The following ZFHX3 variants were observed in gnomAD, a reference collection of about 807,000 sequenced individuals.
ZFHX3 encodes the protein zinc finger homeobox protein 3.
A neutral mutation model predicts 279.1 loss-of-function variants in ZFHX3; 42 were observed. The observed-to-expected ratio is 0.15, with a 90% confidence interval of 0.12 to 0.19. The LOEUF is 0.19. Among genes scored for constraint, ZFHX3 ranks in the 10% least tolerant of loss-of-function variants. The pLI, the probability that ZFHX3 is intolerant of heterozygous loss-of-function variation, is 1.00. For synonymous variants in ZFHX3, 2,293 were observed against 1,957.8 expected (o/e 1.17, Z -4.52); for missense variants, 4,981 against 4,754.0 (o/e 1.05, Z -1.40).
At chr16:72,951,977 G>A (rs566425211) in intron 2 of ZFHX3, among the ~76,000 whole-genome samples, 3 of 152,370 alleles carry the variant, frequency 2.0e-5, no homozygotes, top group Admixed American at 1.3e-4. Context: ...GGGGCTGGAC[G>A]TGGTGTCTCA....
At chr16:73,787,375 C>T (rs12102676) in intron 1 of ZFHX3, among the ~76,000 whole-genome samples, 25,600 of 152,012 alleles carry the variant, frequency 0.17, 2,356 homozygotes, top group African/African-American at 0.24. Flanking sequence ...GGTGCAAGCA[C>T]GGATCAACCT....
chr16:73,121,942 GA>G (rs929420749), intron 7 of ZFHX3, among the ~76,000 whole-genome samples: 34 of 152,038 alleles, frequency 2.2e-4, no homozygotes, highest in Admixed American at 4.6e-4. Context: ...CATTACTTTT[GA>G]AGGTGAAAAC....
chr16:72,889,150 C>T (rs557684642), intron 4 of ZFHX3, among the ~76,000 whole-genome samples: 21 of 152,116 alleles, frequency 1.4e-4, no homozygotes, highest in East Asian at 5.8e-4. Flanking sequence ...CAGGTCTCGA[C>T]GCATTGAAGC....
intron 1 of ZFHX3, among the ~76,000 whole-genome samples, chr16:72,981,772 C>T (rs1056076971): frequency 3.9e-5 from 6 of 152,132 alleles, no homozygotes; most frequent in East Asian, 1.9e-4. Context: ...GACTTCTTCA[C>T]GGGGACCCCA....
At chr16:73,099,176 A>G (rs1482290052) in intron 7 of ZFHX3, 1 of 152,242 alleles carries the variant, frequency 6.6e-6, no homozygotes, top group East Asian at 1.9e-4. Flanking sequence ...ACACTTCCTG[A>G]AATAATCTCT....
In ZFHX3 at chr16:72,796,490, G is replaced by A. The variant is rs983225733; in HGVS notation, c.6192C>T (p.Ile2064=). Residue 2064 remains isoleucine, a synonymous_variant, in exon 9 of 10, where the codon ATC becomes ATT. Transcript: ENST00000268489. ...AGGTGATGGGTGGGGCTGATGCGGG[G>A]ATGGCTGGTGTGGACGCCGGCTGAG... ...APPQPASTPA[I]PASAPPITSP... is the part of the protein sequence containing the mutation. The A allele has an allele frequency of 1.9e-6, 3 of 1,580,270 alleles. No homozygotes were observed. The highest frequency in any genetic ancestry group is 1.7e-6 in the Non-Finnish European group (2 of 1,162,426).
chr16:72,959,424 T>C lies in ZFHX3; in HGVS notation c.722A>G (p.Asn241Ser). 2.5e-6 allele frequency: 4 copies of C among 1,614,238 alleles called. No homozygotes were observed. The highest frequency in any genetic ancestry group is 3.4e-6 in the Non-Finnish European group (4 of 1,180,034). ...FRVFDVRHKSNKDYLNSDGSA... is the reference protein window; with the variant it reads ...FRVFDVRHKSSKDYLNSDGSA... ...ACCGTCGCTGTTCAGGTAATCCTTG[T>C]TGCTTTTGTGTCGCACGTCAAACAC... The change falls in exon 2 of 10, where the codon AAC becomes AGC. Residue 241 changes from asparagine to serine, a missense_variant. Physicochemically the swap from Asn to Ser is conservative, Grantham distance 46. Around this residue, in one of 7 missense-constraint regions of ZFHX3, gnomAD observed 1,068 missense variants for 935.2 expected, o/e 1.14. Coordinates refer to ENST00000268489, the MANE Select transcript of ZFHX3 (RefSeq NM_006885.4).
chr16:73,231,876 A>G (rs1041802263), intron 5 of ZFHX3, among the ~76,000 whole-genome samples: 5 of 152,176 alleles, frequency 3.3e-5, no homozygotes, highest in African/African-American at 4.8e-5. Flanking sequence ...AGCCTCGATG[A>G]GTAGGCAGCA....
chr16:73,442,816 G>A (rs2018117471), intron 3 of ZFHX3, among the ~76,000 whole-genome samples: 1 of 152,178 alleles, frequency 6.6e-6, no homozygotes, highest in South Asian at 2.1e-4. Context: ...GGCAATGGGT[G>A]TTTGGGAAAT....
chr16:73,336,598 TG>T (rs1258460228), intron 3 of ZFHX3, among the ~76,000 whole-genome samples: 26 of 152,158 alleles, frequency 1.7e-4, no homozygotes, highest in Admixed American at 1.5e-3. Flanking sequence ...TAGTAGTTCA[TG>T]GTGTATACGT....
intron 2 of ZFHX3, among the ~76,000 whole-genome samples, chr16:73,479,968 GT>G (rs2018836304): frequency 6.6e-6 from 1 of 152,334 alleles, no homozygotes; most frequent in East Asian, 1.9e-4. Context: ...CAACCCAGGA[GT>G]TGGTGATGAA....
At chr16:73,105,220 A>G (rs1025245786) in intron 7 of ZFHX3, among the ~76,000 whole-genome samples, 1 of 150,858 alleles carries the variant, frequency 6.6e-6, no homozygotes, top group Non-Finnish European at 1.5e-5. Flanking sequence ...AGCCTGGGCA[A>G]CACAGCGAGA....
At chr16:73,659,680 A>G (rs997443234) in intron 2 of ZFHX3, among the ~76,000 whole-genome samples, 4 of 152,156 alleles carry the variant, frequency 2.6e-5, no homozygotes, top group African/African-American at 9.7e-5. Flanking sequence ...GGCAAAGTCT[A>G]TCCTCCATTT....
chr16:73,824,084 T>C (rs1960827184), intron 1 of ZFHX3, among the ~76,000 whole-genome samples: 1 of 152,186 alleles, frequency 6.6e-6, no homozygotes, highest in Non-Finnish European at 1.5e-5. Flanking sequence ...AACGATGTGC[T>C]CAAATCAGTT....
At chr16:73,045,340 T>C (rs62055071) in intron 1 of ZFHX3, among the ~76,000 whole-genome samples, 4,225 of 152,132 alleles carry the variant, frequency 0.028, 63 homozygotes, top group South Asian at 0.06. Context: ...GTCCTGGGAG[T>C]GTCTAGCAAG....
At chr16:73,125,825 T>TACAC (rs531378895) in intron 7 of ZFHX3, among the ~76,000 whole-genome samples, 1 of 151,740 alleles carries the variant, frequency 6.6e-6, no homozygotes, top group African/African-American at 2.4e-5. Context: ...TGCATATATA[T>TACAC]ACACACACAC....
chr16:72,844,561 T>A (rs2037429804), intron 4 of ZFHX3, among the ~76,000 whole-genome samples: 1 of 151,890 alleles, frequency 6.6e-6, no homozygotes. Context: ...ACACTGGGGC[T>A]CAGGAGTGGT....
intron 1 of ZFHX3, among the ~76,000 whole-genome samples, chr16:72,977,989 T>G (rs1409915041): frequency 2.0e-5 from 3 of 152,032 alleles, no homozygotes; most frequent in African/African-American, 7.2e-5. Context: ...CTCAGCCTCC[T>G]GAGTAGCTGG....
chr16:73,749,275 C>T (rs2053734915), intron 1 of ZFHX3, among the ~76,000 whole-genome samples: 1 of 152,074 alleles, frequency 6.6e-6, no homozygotes, highest in African/African-American at 2.4e-5. Flanking sequence ...AGGATAATTC[C>T]TGTGCTTATC....
Sources: gnomAD v4.1 joint callset for allele counts (sites outside exome capture counted in the v4.1 genomes callset) on GRCh38, gnomAD v4.1.1 for gene constraint, gnomAD v4.1.1 regional missense constraint, MANE v1.5 for transcripts, NCBI Gene and HGNC (gene_info 2026-07-23, HGNC 2026-07-21) for gene names.